RAB3GAP2: variants seen among roughly 807,000 people sequenced by gnomAD.
RAB3GAP2 encodes RAB3 GTPase activating non-catalytic protein subunit 2, also known as rab3 GTPase-activating protein non-catalytic subunit.
Under a neutral mutation model 185.3 loss-of-function variants are expected in RAB3GAP2, and 87 were observed. That is an observed-to-expected ratio of 0.47 (90% CI 0.39 to 0.56). The LOEUF is 0.56. Ranked by LOEUF, RAB3GAP2 falls within the 20% of genes least tolerant of loss-of-function variation. The pLI is 0.00. For synonymous variants in RAB3GAP2, 554 were observed against 576.1 expected, an observed-to-expected ratio of 0.96 and a Z score of 0.55; for missense variants, 1,492 against 1,638.2, an observed-to-expected ratio of 0.91 and a Z score of 1.54.
chr1:220,155,437 C>T (rs1359610270), intron 31 of RAB3GAP2, among the ~76,000 whole-genome samples: 3 of 152,200 alleles, frequency 2.0e-5, no homozygotes. Flanking sequence ...TTGGACATCA[C>T]TGAGAGAAGT....
chr1:220,170,919 C>CA lies in RAB3GAP2; in HGVS notation c.2778dup (p.Val927CysfsTer2). 1 of 1,614,040 alleles carries CA rather than the reference C, an allele frequency of 6.2e-7. No individual in the cohort carries two copies. The highest frequency in any genetic ancestry group is 8.5e-7 in the Non-Finnish European group (1 of 1,179,928). On this transcript the variant is annotated frameshift_variant, in exon 24 of 35. Transcript: ENST00000358951. LOFTEE classifies it high-confidence loss of function. ...TTTCCTCCTTCTAATAACTTTTTAACAGAAAGCCTTGGAAGTGGCTCAGCC... is the reference window on the plus strand; with the variant it reads ...TTTCCTCCTTCTAATAACTTTTTAACAAGAAAGCCTTGGAAGTGGCTCAGCC...
chr1:220,177,910 C>G (rs1327306822), intron 21 of RAB3GAP2, among the ~76,000 whole-genome samples: 2 of 152,036 alleles, frequency 1.3e-5, no homozygotes, highest in African/African-American at 4.8e-5. Flanking sequence ...TAAGTAATAA[C>G]AGAAAACTTT....
chr1:220,269,394 G>A (rs1444029725), intron 1 of RAB3GAP2, among the ~76,000 whole-genome samples: 2 of 152,298 alleles, frequency 1.3e-5, no homozygotes, highest in East Asian at 1.9e-4. Flanking sequence ...TGGATTTTAC[G>A]TTAAGTGCAA....
intron 2 of RAB3GAP2, among the ~76,000 whole-genome samples, chr1:220,228,278 C>T (rs945888536): frequency 6.6e-6 from 1 of 152,168 alleles, no homozygotes; most frequent in African/African-American, 2.4e-5. Flanking sequence ...TTTTACATTT[C>T]ACACATCTGC....
chr1:220,206,851 G>A (rs575307263), intron 7 of RAB3GAP2, among the ~76,000 whole-genome samples: 4 of 152,306 alleles, frequency 2.6e-5, no homozygotes, highest in African/African-American at 9.6e-5. Context: ...GTTACCCAGA[G>A]AGGCTGCTCC....
chr1:220,159,527 G>A (rs112517231), intron 28 of RAB3GAP2, 106 bp from the exon 29 acceptor site: 8 of 842,818 alleles, frequency 9.5e-6, no homozygotes, highest in South Asian at 4.8e-5. Flanking sequence ...CGTAAATGGC[G>A]CTATAAGTAA....
At chr1:220,181,892 TA>T (rs551774811) in intron 21 of RAB3GAP2, among the ~76,000 whole-genome samples, 20 of 143,860 alleles carry the variant, frequency 1.4e-4, no homozygotes, top group East Asian at 2.0e-4. Context: ...TCCACAAAAG[TA>T]AAAAAAAAAA....
At chr1:220,220,345 A>G (rs948553121) in intron 2 of RAB3GAP2, 3 of 152,402 alleles carry the variant, frequency 2.0e-5, no homozygotes, top group African/African-American at 4.8e-5. Context: ...GAGTCCCCGA[A>G]GATCCGCACA....
intron 1 of RAB3GAP2, chr1:220,253,683 A>G: frequency 6.2e-7 from 1 of 1,607,482 alleles, no homozygotes; most frequent in African/African-American, 1.3e-5. Context: ...TAAAGGACAA[A>G]CAAGTGAAAT....
rs777736403 is a variant in RAB3GAP2, at chr1:220,213,833, G to A, written c.304+23C>T. ...TATCCAATGTATCAAAATAAAGGTC[G>A]CTGAAAATAATAGGATACTCACGCA... On this transcript the variant is annotated intron_variant, in intron 3 of 34. Coordinates refer to ENST00000358951, the MANE Select transcript of RAB3GAP2 (RefSeq NM_012414.4). 253 of 1,605,500 alleles carry A rather than the reference G, an allele frequency of 1.6e-4. 1 individual carries two copies. The Admixed American group carries it at 3.9e-3, about 24-fold the overall frequency.
At chr1:220,188,035 G>T (rs1281433262) in intron 17 of RAB3GAP2, among the ~76,000 whole-genome samples, 1 of 150,462 alleles carries the variant, frequency 6.6e-6, no homozygotes. Context: ...TGTCAGAATC[G>T]AACTGAATTA....
chr1:220,253,925 GA>G (rs1659985647), intron 1 of RAB3GAP2: 1 of 1,613,720 alleles, frequency 6.2e-7, no homozygotes, highest in East Asian at 2.2e-5. Context: ...AAAACACCTG[GA>G]AATGGAGATG....
intron 1 of RAB3GAP2, chr1:220,253,769 A>G: frequency 1.2e-6 from 2 of 1,611,888 alleles, no homozygotes; most frequent in South Asian, 2.2e-5. Flanking sequence ...AAATACGTGG[A>G]CACCAATTTG....
intron 1 of RAB3GAP2, chr1:220,266,767 G>C: frequency 6.3e-7 from 1 of 1,592,648 alleles, no homozygotes; most frequent in Non-Finnish European, 8.6e-7. Flanking sequence ...AATTTGCTGT[G>C]ATCCAGGGGT....
chr1:220,245,087 CATCCAGAATCT>C (rs1253426791), intron 1 of RAB3GAP2, among the ~76,000 whole-genome samples: 2 of 151,802 alleles, frequency 1.3e-5, no homozygotes, highest in Non-Finnish European at 2.9e-5. Flanking sequence ...AAAGGACTAG[CATCCAGAATCT>C]ACAAGGAACT....
At chr1:220,209,732 G>A (rs1379499432) in intron 7 of RAB3GAP2, among the ~76,000 whole-genome samples, 2 of 151,948 alleles carry the variant, frequency 1.3e-5, no homozygotes, top group African/African-American at 4.8e-5. Flanking sequence ...ATCTTTTGGA[G>A]GCCAAGTAGT....
chr1:220,271,751 C>T (rs1446181527), intron 1 of RAB3GAP2, among the ~76,000 whole-genome samples: 2 of 151,914 alleles, frequency 1.3e-5, no homozygotes, highest in East Asian at 1.9e-4. Flanking sequence ...CAGAAGGCCA[C>T]AGTCTCCGGG....
intron 17 of RAB3GAP2, 26 bp downstream of exon 17, chr1:220,189,677 A>G: frequency 6.5e-7 from 1 of 1,546,836 alleles, no homozygotes; most frequent in Non-Finnish European, 8.8e-7. Flanking sequence ...TACTAGCAGG[A>G]AAGTTCGTGT....
chr1:220,262,434 T>G (rs1558175201), intron 1 of RAB3GAP2, among the ~76,000 whole-genome samples: 1 of 152,176 alleles, frequency 6.6e-6, no homozygotes, highest in Non-Finnish European at 1.5e-5. Context: ...CAGAACTTCA[T>G]CTTGCAAATC....
Sources: allele counts gnomAD v4.1 joint callset (sites outside exome capture counted in the v4.1 genomes callset), GRCh38; gene constraint gnomAD v4.1.1; transcripts MANE v1.5; gene names NCBI Gene and HGNC (gene_info 2026-07-23, HGNC 2026-07-21).